FLNB: variants seen among roughly 807,000 people sequenced by gnomAD.
FLNB encodes filamin B, also known as filamin-B.
In FLNB, 111 loss-of-function variants were observed where a neutral mutation model predicts 250.6. The observed-to-expected ratio is 0.44, with a 90% CI of 0.38 to 0.52. The LOEUF (loss-of-function observed/expected upper bound fraction) is 0.52, where lower values mean the gene tolerates loss of function less well. Among genes scored for constraint, FLNB ranks in the 20% least tolerant of loss-of-function variants. The pLI, the probability that FLNB is intolerant of heterozygous loss-of-function variation, is 0.00. For synonymous variants in FLNB, 1,302 were observed against 1,372.1 expected (o/e 0.95, Z 1.13); for missense variants, 2,869 against 3,447.8 (o/e 0.83, Z 4.20).
In FLNB at chr3:58,136,085, CCTACG is replaced by C. The variant is rs1435536515; in HGVS notation, c.4779_4783del (p.Tyr1594GlyfsTer2). 6.2e-7 allele frequency: 1 copy of C among 1,614,120 alleles called. No individual in the cohort carries two copies. The highest frequency in any genetic ancestry group is 8.5e-7 in the Non-Finnish European group (1 of 1,180,046). ...ACTGGGCGCTATATGATTGGAGTCACCTACGGGGGTGACGACATCCCACTTTCTCC... is the reference window on the plus strand; with the variant it reads ...ACTGGGCGCTATATGATTGGAGTCACGGGGTGACGACATCCCACTTTCTCC... On this transcript the variant is annotated frameshift_variant, in exon 28 of 46. Transcript: ENST00000295956. LOFTEE classifies it high-confidence loss of function.
chr3:58,115,888 T>A (rs144377563), intron 18 of FLNB, among the ~76,000 whole-genome samples: 1 of 152,232 alleles, frequency 6.6e-6, no homozygotes, highest in South Asian at 2.1e-4. Flanking sequence ...TGTTTGTTGC[T>A]TGGAGCTGGG....
At chr3:58,138,563 A>T (rs867227017) in intron 29 of FLNB, 34 bp downstream of exon 29, 2 of 1,613,582 alleles carry the variant, frequency 1.2e-6, no homozygotes, top group Non-Finnish European at 8.5e-7. Flanking sequence ...GCATGCTGTT[A>T]TTGGTGGAAA....
chr3:58,162,979 G>C, intron 42 of FLNB, 175 bp from the exon 43 acceptor site: 1 of 679,282 alleles, frequency 1.5e-6, no homozygotes, highest in South Asian at 1.6e-5. Context: ...GGGCTGATGA[G>C]GGATACCCAG....
intron 24 of FLNB, among the ~76,000 whole-genome samples, chr3:58,128,682 G>A (rs1222727846): frequency 1.3e-5 from 2 of 152,164 alleles, no homozygotes; most frequent in East Asian, 1.9e-4. Context: ...CAGTGGAGAT[G>A]AACATCTCCT....
chr3:58,148,459 G>T (rs1171090648), intron 35 of FLNB, 95 bp downstream of exon 35: 18 of 1,444,790 alleles, frequency 1.2e-5, no homozygotes, highest in Non-Finnish European at 1.5e-5. Context: ...TAGCACAATG[G>T]AGTGTGATGT....
intron 29 of FLNB, among the ~76,000 whole-genome samples, chr3:58,140,974 A>G (rs1162796085): frequency 6.6e-6 from 1 of 152,028 alleles, no homozygotes; most frequent in Non-Finnish European, 1.5e-5. Flanking sequence ...ACTGCTGAGC[A>G]TGGTGGCTCA....
chr3:58,114,671 T>A (rs1453006710), intron 18 of FLNB, among the ~76,000 whole-genome samples: 2 of 152,130 alleles, frequency 1.3e-5, no homozygotes, highest in African/African-American at 2.4e-5. Context: ...AGGGTCCTGG[T>A]TTCTCCACAT....
Position 58,077,228 on chromosome 3 carries a change from A to G in FLNB, c.475A>G (p.Thr159Ala). The G allele has an allele frequency of 1.9e-6, 3 of 1,614,188 alleles. No homozygotes were observed. In the South Asian group the frequency reaches 3.3e-5, roughly 18 times the overall value. The change falls in exon 2 of 46, where the codon ACC becomes GCC. Residue 159 changes from threonine to alanine, a missense_variant. Physicochemically the swap from Thr to Ala is moderately conservative, Grantham distance 58 (BLOSUM62 0). Transcript: ENST00000295956. Reference sequence around the variant, plus strand: ...GAACAAGATCCCCTACTTGCCCATCACCAACTTTAACCAGAACTGGCAAGA... The same window carrying G: ...GAACAAGATCCCCTACTTGCCCATCGCCAACTTTAACCAGAACTGGCAAGA... ...IQNKIPYLPI[T>A]NFNQNWQDGK...
chr3:58,075,809 T>G (rs902555049), intron 1 of FLNB, among the ~76,000 whole-genome samples: 2 of 152,182 alleles, frequency 1.3e-5, no homozygotes, highest in African/African-American at 4.8e-5. Flanking sequence ...TGCCCATGTT[T>G]GTAGCTTGGG....
rs534162033 is a variant in FLNB at position 58,012,033 on chromosome 3, A to C, written c.292+3177A>C. Among the ~76,000 whole-genome samples, 4 of 152,248 alleles carry C rather than the reference A, an allele frequency of 2.6e-5. No homozygotes were observed. The South Asian group carries it at 8.3e-4, about 32-fold the overall frequency. On this transcript the variant is annotated intron_variant, in intron 1 of 45. Coordinates refer to ENST00000295956, the MANE Select transcript of FLNB (RefSeq NM_001457.4). ...CGAGACCAGCCTGGACAACATGGTG[A>C]AACCCTAGCTCTACTAAAAATACAA... is the stretch of plus-strand genomic sequence containing the variant.
intron 1 of FLNB, among the ~76,000 whole-genome samples, chr3:58,009,331 AC>A (rs1474819335): frequency 6.6e-6 from 1 of 152,000 alleles, no homozygotes; most frequent in East Asian, 1.9e-4. Context: ...CTGAGGAGGA[AC>A]CGTTCTCTGC....
At chr3:58,080,197 A>G (rs1381659480) in intron 3 of FLNB, among the ~76,000 whole-genome samples, 2 of 152,202 alleles carry the variant, frequency 1.3e-5, no homozygotes, top group African/African-American at 2.4e-5. Context: ...CTGCAGGCTA[A>G]TGGTCAGAAT....
chr3:58,125,629 G>C lies in FLNB; in HGVS notation c.3947G>C (p.Ser1316Thr). 6.2e-7 allele frequency: 1 copy of C among 1,614,202 alleles called. No homozygotes were observed. Among genetic ancestry groups the C allele is most frequent in the Non-Finnish European group, 8.5e-7 (1 of 1,180,044 alleles). Residue 1316 changes from serine to threonine, a missense_variant, in exon 23 of 46, where the codon AGT becomes ACT. Physicochemically the swap from Ser to Thr is moderately conservative, Grantham distance 58 (BLOSUM62 1). Around this residue, in one of 5 missense-constraint regions of FLNB, gnomAD observed 1,348 missense variants for 1,466.7 expected, o/e 0.92. Coordinates refer to ENST00000295956, the MANE Select transcript of FLNB (RefSeq NM_001457.4). ...VTYDDVPIPNSPFKVAVTEGC... is the reference protein window; with the variant it reads ...VTYDDVPIPNTPFKVAVTEGC... ...TATGATGACGTGCCTATCCCAAACAGTCCCTTCAAGGTGGCTGTCACTGAA... is the reference window on the plus strand; with the variant it reads ...TATGATGACGTGCCTATCCCAAACACTCCCTTCAAGGTGGCTGTCACTGAA...
intron 1 of FLNB, among the ~76,000 whole-genome samples, chr3:58,073,889 A>C (rs1029362747): frequency 6.6e-6 from 1 of 152,214 alleles, no homozygotes; most frequent in Non-Finnish European, 1.5e-5. Context: ...GGCTACGCTC[A>C]TATCTCTGCC....
chr3:58,141,801 T>C, intron 29 of FLNB, 57 bp from the exon 30 acceptor site: 2 of 1,481,262 alleles, frequency 1.4e-6, no homozygotes, highest in Admixed American at 3.3e-5. Context: ...GGTGGTAGTC[T>C]ACTGAGTGTA....
Position 58,170,873 on chromosome 3 carries a change from C to G in FLNB, c.*111C>G. 3 of 963,062 alleles carry G rather than the reference C, an allele frequency of 3.1e-6. No homozygotes were observed. Among genetic ancestry groups the G allele is most frequent in the Non-Finnish European group, 4.9e-6 (3 of 618,224 alleles). The allele number at this position is 963,062 out of a possible 1,614,324, so 59.7% of individuals were successfully genotyped here. On this transcript the variant is annotated 3_prime_UTR_variant, in exon 46 of 46. Coordinates refer to ENST00000295956, the MANE Select transcript of FLNB (RefSeq NM_001457.4). The stretch of plus-strand genomic sequence containing the variant: ...TGTTTGTGGGGCTGAAACCCCATCC[C>G]TAAAATATTGCTGTTGTAAAATGCC...
intron 19 of FLNB, among the ~76,000 whole-genome samples, chr3:58,120,660 G>A (rs2107164378): frequency 6.6e-6 from 1 of 152,162 alleles, no homozygotes; most frequent in South Asian, 2.1e-4. Context: ...GAGGGGGAGG[G>A]GTGCCTATAA....
chr3:58,067,434 C>T (rs1403836351), intron 1 of FLNB, among the ~76,000 whole-genome samples: 1 of 152,110 alleles, frequency 6.6e-6, no homozygotes, highest in African/African-American at 2.4e-5. Flanking sequence ...GAAATCCAGC[C>T]AACTTCGGCC....
intron 1 of FLNB, among the ~76,000 whole-genome samples, chr3:58,010,981 C>T (rs1050053327): frequency 1.3e-5 from 2 of 152,174 alleles, no homozygotes; most frequent in African/African-American, 2.4e-5. Context: ...ATGGTGCCAT[C>T]TCTGCTCACT....
Sources: gnomAD v4.1 joint callset for allele counts (sites outside exome capture counted in the v4.1 genomes callset) on GRCh38, gnomAD v4.1.1 for gene constraint, gnomAD v4.1.1 regional missense constraint, MANE v1.5 for transcripts, NCBI Gene and HGNC (gene_info 2026-07-23, HGNC 2026-07-21) for gene names.